Variants in CNTN1 observed in about 807,000 individuals in gnomAD.
The protein encoded by CNTN1 is contactin 1, also known as contactin-1.
A neutral mutation model predicts 126.4 loss-of-function variants in CNTN1; 38 were observed. The observed-to-expected ratio is 0.30, with a 90% confidence interval of 0.23 to 0.39. The LOEUF (loss-of-function observed/expected upper bound fraction) is 0.39, where lower values mean the gene tolerates loss of function less well. Ranked by LOEUF, CNTN1 falls within the 10% of genes least tolerant of loss-of-function variation. The pLI, the probability that CNTN1 is intolerant of heterozygous loss-of-function variation, is 1.00. For missense variants in CNTN1, 1,009 were observed against 1,248.4 expected, an observed-to-expected ratio of 0.81 and a Z score of 2.89; for synonymous variants, 413 against 422.6, an observed-to-expected ratio of 0.98 and a Z score of 0.28.
intron 15 of CNTN1, among the ~76,000 whole-genome samples, chr12:40,974,610 G>C (rs1302979938): frequency 6.6e-6 from 1 of 152,084 alleles, no homozygotes; most frequent in Non-Finnish European, 1.5e-5. Context: ...TGACAATGCT[G>C]TTTTAAAAAT....
At chr12:41,069,924 T>G in intron 23 of CNTN1, 35 bp from the exon 24 acceptor site, 65 of 1,557,270 alleles carry the variant, frequency 4.2e-5, no homozygotes, top group Non-Finnish European at 5.3e-5. Flanking sequence ...CATGTATCAA[T>G]GAAATAATAT....
At chr12:40,780,167 C>T (rs1939735818) in intron 1 of CNTN1, among the ~76,000 whole-genome samples, 1 of 151,846 alleles carries the variant, frequency 6.6e-6, no homozygotes. Flanking sequence ...GGAAGAAATT[C>T]TCTGTGAATT....
intron 1 of CNTN1, among the ~76,000 whole-genome samples, chr12:40,864,350 T>C (rs2405508): frequency 0.69 from 104,724 of 151,824 alleles, 36,812 homozygotes; most frequent in African/African-American, 0.84. Flanking sequence ...ATAACTTTAT[T>C]GAGATATTAT....
intron 1 of CNTN1, among the ~76,000 whole-genome samples, chr12:40,875,956 C>G (rs78448314): frequency 1.3e-5 from 2 of 151,884 alleles, no homozygotes; most frequent in African/African-American, 4.8e-5. Context: ...CTGGCCAACA[C>G]CTCTCTCTTT....
chr12:40,759,639 G>A lies in CNTN1; in HGVS notation c.-77+67047G>A, dbSNP rs574106125. On this transcript the variant is annotated intron_variant, in intron 1 of 23. Coordinates refer to ENST00000551295, the MANE Select transcript of CNTN1 (RefSeq NM_001843.4). ...CACCATCATACCTGGCTAATTTTCT[G>A]TATTTTTTTTGTAGAGATGTGGTCT... 4.0e-5 allele frequency among the ~76,000 whole-genome samples: 6 copies of A among 151,798 alleles called. No homozygotes were observed. In the South Asian group the frequency reaches 1.3e-3, roughly 32 times the overall value.
intron 6 of CNTN1, among the ~76,000 whole-genome samples, chr12:40,928,617 A>G (rs1222498439): frequency 2.0e-5 from 3 of 152,064 alleles, no homozygotes; most frequent in Non-Finnish European, 4.4e-5. Context: ...GAAAAAATCA[A>G]TGTTGAAAAC....
At chr12:40,843,569 GATA>G (rs557758181) in intron 1 of CNTN1, among the ~76,000 whole-genome samples, 9 of 152,188 alleles carry the variant, frequency 5.9e-5, no homozygotes, top group African/African-American at 2.2e-4. Context: ...TTAATATATT[GATA>G]ATAAGGTCTT....
intron 1 of CNTN1, among the ~76,000 whole-genome samples, chr12:40,711,809 C>T (rs920703401): frequency 6.6e-6 from 1 of 152,068 alleles, no homozygotes; most frequent in Non-Finnish European, 1.5e-5. Context: ...AACTCCTGAG[C>T]TCAAGTGATC....
At chr12:41,035,046 C>A (rs1338223190) in intron 23 of CNTN1, among the ~76,000 whole-genome samples, 1 of 152,170 alleles carries the variant, frequency 6.6e-6, no homozygotes, top group Non-Finnish European at 1.5e-5. Flanking sequence ...AATATTTTAA[C>A]TATATGTCAG....
chr12:41,011,426 A>C (rs1315053641), intron 17 of CNTN1, among the ~76,000 whole-genome samples: 1 of 152,230 alleles, frequency 6.6e-6, no homozygotes, highest in African/African-American at 2.4e-5. Flanking sequence ...GATGATAAAG[A>C]GAAGGAAAAA....
intron 4 of CNTN1, among the ~76,000 whole-genome samples, chr12:40,919,034 T>G (rs1945344093): frequency 6.6e-6 from 1 of 152,194 alleles, no homozygotes; most frequent in South Asian, 2.1e-4. Flanking sequence ...AATTGTATAA[T>G]GGAAATCATG....
chr12:40,853,860 T>C (rs1419770686), intron 1 of CNTN1, among the ~76,000 whole-genome samples: 1 of 151,768 alleles, frequency 6.6e-6, no homozygotes, highest in Non-Finnish European at 1.5e-5. Context: ...TTTGAATAAC[T>C]TTAAAAAATG....
chr12:41,053,023 A>ATTTC (rs1189475413), intron 23 of CNTN1, among the ~76,000 whole-genome samples: 9 of 151,816 alleles, frequency 5.9e-5, no homozygotes, highest in African/African-American at 2.2e-4. Flanking sequence ...TGCTTAGAAA[A>ATTTC]TAGAGAACTG....
intron 1 of CNTN1, among the ~76,000 whole-genome samples, chr12:40,730,131 A>G (rs1377527961): frequency 6.6e-6 from 1 of 152,200 alleles, no homozygotes; most frequent in African/African-American, 2.4e-5. Context: ...CCCTCCCTCT[A>G]AATCTTTCTA....
At chr12:40,962,984 C>T (rs577358124) in intron 15 of CNTN1, among the ~76,000 whole-genome samples, 5 of 152,056 alleles carry the variant, frequency 3.3e-5, no homozygotes, top group Non-Finnish European at 7.4e-5. Context: ...CATATAAAAT[C>T]GAAGATGAAG....
chr12:40,963,017 C>A (rs898038135), intron 15 of CNTN1, among the ~76,000 whole-genome samples: 1 of 152,022 alleles, frequency 6.6e-6, no homozygotes, highest in South Asian at 2.1e-4. Context: ...ACATTTGTGT[C>A]GTCACAACCC....
chr12:40,908,562 G>A, intron 2 of CNTN1, 69 bp downstream of exon 2: 3 of 1,159,664 alleles, frequency 2.6e-6, no homozygotes, highest in Admixed American at 1.9e-5. Context: ...TTTATTAAAT[G>A]TATTGTATGA....
chr12:40,718,524 A>C (rs1210908078), intron 1 of CNTN1, among the ~76,000 whole-genome samples: 1 of 152,098 alleles, frequency 6.6e-6, no homozygotes, highest in African/African-American at 2.4e-5. Context: ...GCTTCCAGTC[A>C]ACACTGGGGG....
chr12:41,065,149 G>A (rs534280027), intron 23 of CNTN1, among the ~76,000 whole-genome samples: 18 of 152,250 alleles, frequency 1.2e-4, no homozygotes, highest in Middle Eastern at 3.4e-3. Flanking sequence ...TCTGCCTCCC[G>A]GGTTCACGCC....
Sources: gnomAD v4.1 joint callset for allele counts (sites outside exome capture counted in the v4.1 genomes callset) on GRCh38, gnomAD v4.1.1 for gene constraint, MANE v1.5 for transcripts, NCBI Gene and HGNC (gene_info 2026-07-23, HGNC 2026-07-21) for gene names.